PJA2: variants seen among roughly 807,000 people sequenced by gnomAD.
PJA2 encodes praja ring finger ubiquitin ligase 2.
Under a neutral mutation model 69.3 loss-of-function variants are expected in PJA2, and 25 were observed. That is an observed-to-expected ratio of 0.36 (90% CI 0.26 to 0.50). The LOEUF (loss-of-function observed/expected upper bound fraction) is 0.50. PJA2 is among the 20% of genes least tolerant of loss of function. PJA2 has a pLI of 0.96. For missense variants in PJA2, 809 were observed against 830.2 expected (o/e 0.97, Z 0.31); for synonymous variants, 308 against 277.8 (o/e 1.11, Z -1.08).
intron 8 of PJA2, 27 bp downstream of exon 8, chr5:109,344,677 CA>C: frequency 7.0e-7 from 1 of 1,429,776 alleles, no homozygotes; most frequent in Non-Finnish European, 9.8e-7. Flanking sequence ...ATGTGTTCTT[CA>C]ACATTTGAGA....
rs548289784 is a variant in PJA2, at chr5:109,337,844, G to A, written c.2002-488C>T. On this transcript the variant is annotated intron_variant, in intron 9 of 9. Transcript: ENST00000361189. ...TAAAGAAGGTCTACGATGAATTAACGTAGGTCGATGGCAAATTAAAGCCTC... is the reference window on the plus strand; with the variant it reads ...TAAAGAAGGTCTACGATGAATTAACATAGGTCGATGGCAAATTAAAGCCTC... Among the ~76,000 whole-genome samples, 16 of 152,128 alleles carry A rather than the reference G, an allele frequency of 1.1e-4. No homozygotes were observed. The East Asian group carries it at 2.1e-3, about 20-fold the overall frequency.
At chr5:109,352,437 A>C (rs1762269054) in intron 7 of PJA2, among the ~76,000 whole-genome samples, 1 of 152,206 alleles carries the variant, frequency 6.6e-6, no homozygotes, top group African/African-American at 2.4e-5. Context: ...TATTTAGCAC[A>C]ACGAAATGAG....
At chr5:109,407,460 A>G (rs1289235180) in intron 1 of PJA2, among the ~76,000 whole-genome samples, 2 of 152,180 alleles carry the variant, frequency 1.3e-5, no homozygotes, top group Non-Finnish European at 2.9e-5. Flanking sequence ...ATGCTAAAAC[A>G]TTAGAAGCAT....
chr5:109,355,915 C>T lies in PJA2; in HGVS notation c.1764G>A (p.Glu588=). Residue 588 remains glutamate, a splice_region_variant and synonymous_variant, in exon 7 of 10, where the codon GAG becomes GAA. Coordinates refer to ENST00000361189, the MANE Select transcript of PJA2 (RefSeq NM_014819.5). ...ATGGAGATCAGAGTTATGAACATACCTCCATAGCCTGGGCTAAGCGTTCTT... is the reference window on the plus strand; with the variant it reads ...ATGGAGATCAGAGTTATGAACATACTTCCATAGCCTGGGCTAAGCGTTCTT... ...ALEERLAQAM[E]TALAHLESLA... 6.2e-7 allele frequency: 1 copy of T among 1,604,204 alleles called. No individual in the cohort carries two copies. Among genetic ancestry groups the T allele is most frequent in the South Asian group, 1.1e-5 (1 of 90,690 alleles).
intron 1 of PJA2, chr5:109,390,883 A>C (rs895387488): frequency 3.9e-5 from 6 of 152,042 alleles, no homozygotes; most frequent in African/African-American, 1.2e-4. Context: ...TTGCAAGTAG[A>C]TTGTCTTAAC....
chr5:109,366,796 T>C (rs1463057097), intron 5 of PJA2, among the ~76,000 whole-genome samples: 1 of 152,214 alleles, frequency 6.6e-6, no homozygotes, highest in African/African-American at 2.4e-5. Context: ...GAATAATTTA[T>C]ACTTAGTAAA....
At chr5:109,388,215 GC>G (rs1747202078) in intron 1 of PJA2, among the ~76,000 whole-genome samples, 1 of 152,112 alleles carries the variant, frequency 6.6e-6, no homozygotes, top group Non-Finnish European at 1.5e-5. Flanking sequence ...CCCACAGAAA[GC>G]CCACATGGTG....
chr5:109,354,021 TATG>T (rs372611008), intron 7 of PJA2, among the ~76,000 whole-genome samples: 27 of 99,044 alleles, frequency 2.7e-4, no homozygotes, highest in Non-Finnish European at 4.0e-4. Flanking sequence ...ATTAGATATC[TATG>T]ATATCTAGAG....
At chr5:109,371,308 T>G (rs774893476) in intron 4 of PJA2, among the ~76,000 whole-genome samples, 1 of 152,164 alleles carries the variant, frequency 6.6e-6, no homozygotes, top group Non-Finnish European at 1.5e-5. Context: ...ATTTTAAGAT[T>G]TTTCACCTTC....
At chr5:109,345,057 T>TCTCGG (rs1281247469) in intron 7 of PJA2, among the ~76,000 whole-genome samples, 1 of 151,822 alleles carries the variant, frequency 6.6e-6, no homozygotes, top group African/African-American at 2.4e-5. Flanking sequence ...ATATACCTTG[T>TCTCGG]CTCGGCCGGG....
intron 4 of PJA2, among the ~76,000 whole-genome samples, chr5:109,371,631 C>A (rs1385821229): frequency 1.3e-5 from 2 of 152,188 alleles, no homozygotes; most frequent in African/African-American, 4.8e-5. Flanking sequence ...AAAATGCATT[C>A]TGAATACTAC....
chr5:109,359,099 T>G (rs553794032), intron 6 of PJA2, among the ~76,000 whole-genome samples: 4 of 152,186 alleles, frequency 2.6e-5, no homozygotes, highest in Admixed American at 2.0e-4. Flanking sequence ...CTACTCAATA[T>G]GAAGACAGCA....
At chr5:109,385,891 C>T (rs1402933469) in intron 1 of PJA2, among the ~76,000 whole-genome samples, 2 of 152,170 alleles carry the variant, frequency 1.3e-5, no homozygotes, top group Admixed American at 6.5e-5. Flanking sequence ...GTTTCCTACA[C>T]ATCTTACACA....
intron 5 of PJA2, among the ~76,000 whole-genome samples, chr5:109,367,769 C>G (rs1561352140): frequency 1.3e-5 from 2 of 152,116 alleles, no homozygotes; most frequent in African/African-American, 2.4e-5. Context: ...TTTCAAGGAG[C>G]AAGGGAAGTT....
At chr5:109,366,366 G>T (rs1255063232) in intron 5 of PJA2, among the ~76,000 whole-genome samples, 1 of 152,210 alleles carries the variant, frequency 6.6e-6, no homozygotes, top group Non-Finnish European at 1.5e-5. Flanking sequence ...TGGCACTACA[G>T]TAATGTAAAA....
chr5:109,355,808 T>C, intron 7 of PJA2, 107 bp downstream of exon 7: 1 of 713,912 alleles, frequency 1.4e-6, no homozygotes, highest in South Asian at 2.3e-5. Context: ...ACTAAACTGA[T>C]GGGAAAAAGA....
intron 9 of PJA2, among the ~76,000 whole-genome samples, chr5:109,341,475 TC>T (rs1762056114): frequency 2.2e-5 from 3 of 133,930 alleles, no homozygotes; most frequent in Non-Finnish European, 4.9e-5. Context: ...GAGGAGCCTC[TC>T]CGCCCGGCAG....
chr5:109,391,005 G>C (rs1204672549), intron 1 of PJA2, among the ~76,000 whole-genome samples: 3 of 152,066 alleles, frequency 2.0e-5, no homozygotes, highest in Non-Finnish European at 2.9e-5. Context: ...GATGCTCCTG[G>C]ACTTAAAATG....
chr5:109,377,205 T>C (rs1249729495), intron 4 of PJA2, among the ~76,000 whole-genome samples: 4 of 152,142 alleles, frequency 2.6e-5, no homozygotes, highest in African/African-American at 2.4e-5. Flanking sequence ...ATCAAATGAA[T>C]TGTTTTATGA....
Sources: gnomAD v4.1 joint callset for allele counts (sites outside exome capture counted in the v4.1 genomes callset) on GRCh38, gnomAD v4.1.1 for gene constraint, MANE v1.5 for transcripts, NCBI Gene and HGNC (gene_info 2026-07-23, HGNC 2026-07-21) for gene names.